The following LOC128462377 variants were observed in gnomAD, a reference collection of about 807,000 sequenced individuals.
the LOC128462377 span, chr16:89,324,611 T>A: frequency 1.9e-3 from 824 of 433,264 alleles, 6 homozygotes; most frequent in African/African-American, 0.016. Context: ...GCACGGCAGA[T>A]CTGCGGAAGC....
the LOC128462377 span, among the ~76,000 whole-genome samples, chr16:89,386,078 G>C: frequency 4.7e-4 from 72 of 152,330 alleles, no homozygotes; most frequent in Non-Finnish European, 7.1e-4. Context: ...AGAAGCAAAG[G>C]GGATGCCAGG....
At chr16:89,334,169 A>AAAAAAC in the LOC128462377 span, among the ~76,000 whole-genome samples, 1 of 107,292 alleles carries the variant, frequency 9.3e-6, no homozygotes, top group Non-Finnish European at 1.9e-5. Context: ...AAAAAAAAAA[A>AAAAAAC]AAAACAGAGA....
the LOC128462377 span, chr16:89,339,819 C>T: frequency 2.0e-5 from 3 of 152,180 alleles, no homozygotes; most frequent in African/African-American, 7.2e-5. Flanking sequence ...TGCTCCTCAG[C>T]GTCGATCTGA....
At chr16:89,342,030 C>CCCACAGCGGCCACGGCCCACGGCAGGAG in the LOC128462377 span, among the ~76,000 whole-genome samples, 1 of 76,594 alleles carries the variant, frequency 1.3e-5, no homozygotes, top group African/African-American at 4.5e-5. Flanking sequence ...TGCACCTCCA[C>CCCACAGCGGCCACGGCCCACGGCAGGAG]TGCCCACAGC....
chr16:89,377,912 A>T, the LOC128462377 span, among the ~76,000 whole-genome samples: 6 of 151,952 alleles, frequency 3.9e-5, no homozygotes, highest in African/African-American at 1.2e-4. Flanking sequence ...CTACTCAATG[A>T]AATGATGAGG....
chr16:89,323,966 C>A, the LOC128462377 span: 1 of 226,846 alleles, frequency 4.4e-6, no homozygotes, highest in Non-Finnish European at 8.9e-6. Context: ...CGGCCCCTCC[C>A]CTGCACCCCA....
chr16:89,333,356 C>A, the LOC128462377 span, among the ~76,000 whole-genome samples: 1 of 152,216 alleles, frequency 6.6e-6, no homozygotes, highest in Non-Finnish European at 1.5e-5. Context: ...AGCTGAGACC[C>A]CCCTGGACAC....
chr16:89,346,825 G>A, the LOC128462377 span, among the ~76,000 whole-genome samples: 1 of 152,062 alleles, frequency 6.6e-6, no homozygotes, highest in African/African-American at 2.4e-5. Context: ...AAGAATAGAA[G>A]AAAAACATGA....
At chr16:89,337,426 A>ATTTTTTTTTT in the LOC128462377 span, among the ~76,000 whole-genome samples, 22 of 43,766 alleles carry the variant, frequency 5.0e-4, no homozygotes, top group South Asian at 1.1e-3. Context: ...GGTCTAAGCA[A>ATTTTTTTTTT]TTCTTTTTTT....
chr16:89,329,369 G>A, the LOC128462377 span, among the ~76,000 whole-genome samples: 1 of 152,140 alleles, frequency 6.6e-6, no homozygotes, highest in Non-Finnish European at 1.5e-5. Flanking sequence ...GCAACTTCCT[G>A]TGAGTCTATA....
At chr16:89,336,814 G>A in the LOC128462377 span, among the ~76,000 whole-genome samples, 191 of 152,170 alleles carry the variant, frequency 1.3e-3, no homozygotes, top group African/African-American at 4.3e-3. Context: ...TAAATATAAA[G>A]GAATGTCTTT....
At chr16:89,393,712 G>A in the LOC128462377 span, among the ~76,000 whole-genome samples, 3 of 151,918 alleles carry the variant, frequency 2.0e-5, no homozygotes, top group South Asian at 4.2e-4. Flanking sequence ...GGAAGCAGCC[G>A]GGCCGATGGA....
the LOC128462377 span, among the ~76,000 whole-genome samples, chr16:89,390,822 C>A: frequency 6.6e-6 from 1 of 152,180 alleles, no homozygotes; most frequent in African/African-American, 2.4e-5. Flanking sequence ...CTGCGCTGCT[C>A]CCCACATGCC....
chr16:89,351,279 G>T, the LOC128462377 span, among the ~76,000 whole-genome samples: 2 of 152,142 alleles, frequency 1.3e-5, no homozygotes. Flanking sequence ...CCCACAGGCC[G>T]CCAAACACAT....
chr16:89,357,121 T>C, the LOC128462377 span, among the ~76,000 whole-genome samples: 1 of 152,124 alleles, frequency 6.6e-6, no homozygotes, highest in South Asian at 2.1e-4. Context: ...AGGGACAGTG[T>C]AAGGAAGGTG....
At chr16:89,400,939 G>A in the LOC128462377 span, among the ~76,000 whole-genome samples, 3 of 152,134 alleles carry the variant, frequency 2.0e-5, no homozygotes, top group Non-Finnish European at 2.9e-5. Context: ...CACCCTGCTC[G>A]GGTTCACAGA....
the LOC128462377 span, among the ~76,000 whole-genome samples, chr16:89,379,437 T>A: frequency 6.6e-6 from 1 of 152,346 alleles, no homozygotes; most frequent in South Asian, 2.1e-4. Flanking sequence ...CTCCACACCC[T>A]GTCAGGGCAT....
At chr16:89,331,284 T>C in the LOC128462377 span, among the ~76,000 whole-genome samples, 2 of 152,218 alleles carry the variant, frequency 1.3e-5, no homozygotes, top group Non-Finnish European at 2.9e-5. Flanking sequence ...ATTAACTTCA[T>C]GTGTTTCTTT....
chr16:89,346,422 T>C, the LOC128462377 span, among the ~76,000 whole-genome samples: 1 of 152,022 alleles, frequency 6.6e-6, no homozygotes, highest in Non-Finnish European at 1.5e-5. Flanking sequence ...TATAAAATCA[T>C]CCAATAATCA....
Sources: allele counts gnomAD v4.1 joint callset (sites outside exome capture counted in the v4.1 genomes callset), GRCh38; gene constraint gnomAD v4.1.1; transcripts MANE v1.5.